Variants in MECOM observed in about 807,000 individuals in gnomAD.
The protein encoded by MECOM is MDS1 and EVI1 complex locus.
A neutral mutation model predicts 116.3 loss-of-function variants in MECOM; 13 were observed. The observed-to-expected ratio is 0.11, with a 90% confidence interval of 0.07 to 0.18. MECOM has a LOEUF of 0.18. Ranked by LOEUF, MECOM falls within the 10% of genes least tolerant of loss-of-function variation. The pLI, the probability that MECOM is intolerant of heterozygous loss-of-function variation, is 1.00. For synonymous variants in MECOM, 528 were observed against 535.2 expected (o/e 0.99, Z 0.19); for missense variants, 1,299 against 1,509.0 (o/e 0.86, Z 2.31).
At chr3:169,426,036 T>C (rs1388827450) in intron 1 of MECOM, among the ~76,000 whole-genome samples, 2 of 152,210 alleles carry the variant, frequency 1.3e-5, no homozygotes, top group Non-Finnish European at 2.9e-5. Flanking sequence ...TGCTATGTTT[T>C]GTATTTTAAC....
intron 2 of MECOM, among the ~76,000 whole-genome samples, chr3:169,330,488 G>GA (rs199665515): frequency 3.1e-4 from 47 of 151,680 alleles, no homozygotes; most frequent in African/African-American, 9.2e-4. Context: ...AGAATTCACA[G>GA]AAAAAAAATT....
At chr3:169,416,481 C>A (rs1262035791) in intron 1 of MECOM, among the ~76,000 whole-genome samples, 1 of 151,566 alleles carries the variant, frequency 6.6e-6, no homozygotes, top group East Asian at 1.9e-4. Context: ...GAAGCAAGAG[C>A]AAACAAATTC....
intron 2 of MECOM, among the ~76,000 whole-genome samples, chr3:169,259,305 G>A (rs1757246426): frequency 6.6e-6 from 1 of 152,184 alleles, no homozygotes; most frequent in Non-Finnish European, 1.5e-5. Context: ...CATGTCTGAA[G>A]ATACCGACAC....
At chr3:169,286,979 T>C (rs1162086672) in intron 2 of MECOM, among the ~76,000 whole-genome samples, 1 of 152,206 alleles carries the variant, frequency 6.6e-6, no homozygotes, top group East Asian at 1.9e-4. Flanking sequence ...AATTTGCCTC[T>C]TCCATGAGTC....
chr3:169,514,828 T>A lies in MECOM; in HGVS notation c.38-133304A>T, dbSNP rs946231878. Among the ~76,000 whole-genome samples the A allele has an allele frequency of 3.3e-5, 5 of 152,150 alleles. No homozygotes were observed. The South Asian group carries it at 6.2e-4, about 19-fold the overall frequency. The stretch of plus-strand genomic sequence containing the variant: ...TCCTATGTGTCACGCTTTAAAACAA[T>A]CCCTTTATAATATCTGAGAGCCAGT... On this transcript the variant is annotated intron_variant, in intron 1 of 16. Transcript: ENST00000651503.
At chr3:169,429,911 C>T (rs542355791) in intron 1 of MECOM, among the ~76,000 whole-genome samples, 2 of 152,314 alleles carry the variant, frequency 1.3e-5, no homozygotes, top group African/African-American at 4.8e-5. Context: ...CTCTGTGTTG[C>T]AGAGTCCCAC....
intron 1 of MECOM, among the ~76,000 whole-genome samples, chr3:169,619,850 G>A (rs910417056): frequency 6.6e-6 from 1 of 152,194 alleles, no homozygotes; most frequent in Non-Finnish European, 1.5e-5. Context: ...GGAGGTGCTA[G>A]TCATAAACGT....
At chr3:169,105,510 C>G (rs1278922195) in intron 10 of MECOM, among the ~76,000 whole-genome samples, 2 of 151,896 alleles carry the variant, frequency 1.3e-5, no homozygotes, top group African/African-American at 4.8e-5. Flanking sequence ...CAGAATCTAG[C>G]TATATGTTTT....
chr3:169,591,755 C>T (rs1415297663), intron 1 of MECOM, among the ~76,000 whole-genome samples: 1 of 152,080 alleles, frequency 6.6e-6, no homozygotes, highest in Non-Finnish European at 1.5e-5. Context: ...TGTAGAGTAC[C>T]TTATTACAAA....
chr3:169,436,772 T>C (rs1450926521), intron 1 of MECOM, among the ~76,000 whole-genome samples: 2 of 152,198 alleles, frequency 1.3e-5, no homozygotes, highest in Admixed American at 6.5e-5. Flanking sequence ...ATGTTATTTA[T>C]ATTGAAAAAC....
chr3:169,435,168 A>T (rs1211557442), intron 1 of MECOM, among the ~76,000 whole-genome samples: 1 of 152,204 alleles, frequency 6.6e-6, no homozygotes, highest in East Asian at 1.9e-4. Context: ...TATCTAGAAA[A>T]AATACATAAG....
chr3:169,112,960 A>G (rs986579384), intron 8 of MECOM, 86 bp from the exon 9 acceptor site: 5 of 955,788 alleles, frequency 5.2e-6, no homozygotes, highest in African/African-American at 3.3e-5. Context: ...GGAACTAACA[A>G]TAAAGTCAAT....
At chr3:169,233,035 C>T (rs2149526256) in intron 2 of MECOM, among the ~76,000 whole-genome samples, 1 of 152,134 alleles carries the variant, frequency 6.6e-6, no homozygotes, top group African/African-American at 2.4e-5. Flanking sequence ...TAATTATGCT[C>T]TATAATTGTG....
At chr3:169,496,684 C>T (rs193265304) in intron 1 of MECOM, among the ~76,000 whole-genome samples, 62 of 152,318 alleles carry the variant, frequency 4.1e-4, no homozygotes, top group African/African-American at 1.1e-3. Flanking sequence ...CATCATAAAG[C>T]CTTCCTCAGA....
chr3:169,354,704 C>T (rs1171141768), intron 2 of MECOM, among the ~76,000 whole-genome samples: 26 of 152,020 alleles, frequency 1.7e-4, no homozygotes, highest in Non-Finnish European at 8.8e-5. Context: ...GTTGCTAGAA[C>T]CTCAGGATGC....
At chr3:169,526,218 G>A (rs1305752906) in intron 1 of MECOM, among the ~76,000 whole-genome samples, 1 of 151,944 alleles carries the variant, frequency 6.6e-6, no homozygotes, top group Non-Finnish European at 1.5e-5. Flanking sequence ...TTGGGCCGTC[G>A]GAGAGCCTTT....
rs1752446683 is a variant in MECOM, at chr3:169,224,108, C to T, written c.376-80276G>A. The stretch of plus-strand genomic sequence containing the variant: ...TTTCATCTAGGATATGGTGTGGTAT[C>T]GATACTAAGGAGTATGATGGGGAGC... On this transcript the variant is annotated intron_variant, in intron 2 of 16. Coordinates refer to ENST00000651503, the MANE Select transcript of MECOM (RefSeq NM_004991.4). Among the ~76,000 whole-genome samples, 5 of 152,002 alleles carry T rather than the reference C, an allele frequency of 3.3e-5. 1 individual carries two copies. Among genetic ancestry groups the T allele is most frequent in the South Asian group, 4.1e-4 (2 of 4,828 alleles).
chr3:169,452,528 A>G (rs1411570812), intron 1 of MECOM, among the ~76,000 whole-genome samples: 1 of 152,210 alleles, frequency 6.6e-6, no homozygotes, highest in Non-Finnish European at 1.5e-5. Flanking sequence ...TTCTAGGAAT[A>G]CAAACTCAGC....
At chr3:169,101,068 G>C (rs1723404958) in intron 11 of MECOM, 106 bp from the exon 12 acceptor site, 1 of 565,948 alleles carries the variant, frequency 1.8e-6, no homozygotes, top group Non-Finnish European at 3.0e-6. Context: ...AATCTTGCAT[G>C]GAACTCACAT....
Sources: gnomAD v4.1 joint callset for allele counts (sites outside exome capture counted in the v4.1 genomes callset) on GRCh38, gnomAD v4.1.1 for gene constraint, MANE v1.5 for transcripts, NCBI Gene and HGNC (gene_info 2026-07-23, HGNC 2026-07-21) for gene names.